SLC25A48: variants seen among roughly 807,000 people sequenced by gnomAD.
The protein encoded by SLC25A48 is CTC-321K16.1.
A neutral mutation model predicts 32.2 loss-of-function variants in SLC25A48; 29 were observed. That is an observed-to-expected ratio of 0.90 (90% CI 0.67 to 1.23). SLC25A48 has a LOEUF of 1.23. Ranked by LOEUF, SLC25A48 falls within the 50% of genes most tolerant of loss-of-function variation. The pLI is 0.00. For missense variants in SLC25A48, 399 were observed against 422.7 expected, an observed-to-expected ratio of 0.94 and a Z score of 0.49; for synonymous variants, 164 against 172.3, an observed-to-expected ratio of 0.95 and a Z score of 0.38.
intron 3 of SLC25A48, among the ~76,000 whole-genome samples, chr5:135,670,247 C>T (rs1412163139): frequency 6.6e-6 from 1 of 152,136 alleles, no homozygotes; most frequent in African/African-American, 2.4e-5. Context: ...AGCAGGCCAG[C>T]CTTTCTGGTT....
chr5:135,874,691 T>C (rs1761916156), intron 6 of SLC25A48: 1 of 702,448 alleles, frequency 1.4e-6, no homozygotes, highest in Non-Finnish European at 2.6e-6. Flanking sequence ...TTCCCTGGGC[T>C]GTGTCTCCTC....
At chr5:135,763,322 A>G (rs1299358359) in intron 3 of SLC25A48, among the ~76,000 whole-genome samples, 1 of 152,026 alleles carries the variant, frequency 6.6e-6, no homozygotes, top group African/African-American at 2.4e-5. Flanking sequence ...GGCATCTGTT[A>G]GGTTTTGAGC....
chr5:135,609,004 T>C (rs768065155), intron 1 of SLC25A48, among the ~76,000 whole-genome samples: 2 of 152,238 alleles, frequency 1.3e-5, no homozygotes, highest in Non-Finnish European at 2.9e-5. Flanking sequence ...GCTGGCACTT[T>C]GGACGCTGAG....
At chr5:135,626,106 A>C (rs951397313) in intron 1 of SLC25A48, among the ~76,000 whole-genome samples, 5 of 152,252 alleles carry the variant, frequency 3.3e-5, no homozygotes, top group Admixed American at 2.6e-4. Flanking sequence ...AGGGTAGGCC[A>C]ACTCAGCATG....
intron 3 of SLC25A48, among the ~76,000 whole-genome samples, chr5:135,643,976 C>T (rs1254351805): frequency 1.3e-5 from 2 of 152,016 alleles, no homozygotes; most frequent in African/African-American, 2.4e-5. Flanking sequence ...ACTCCAGAGC[C>T]CACACTCTTT....
intron 3 of SLC25A48, among the ~76,000 whole-genome samples, chr5:135,725,685 T>C (rs1755072271): frequency 6.6e-6 from 1 of 152,170 alleles, no homozygotes; most frequent in Admixed American, 6.5e-5. Flanking sequence ...AGGTGTTAGC[T>C]GTAGCTCTAG....
chr5:135,601,848 C>G (rs921792735), intron 1 of SLC25A48, among the ~76,000 whole-genome samples: 3 of 152,198 alleles, frequency 2.0e-5, no homozygotes, highest in Non-Finnish European at 4.4e-5. Flanking sequence ...TTGAATCCAG[C>G]AGTGTGCTCC....
At chr5:135,848,091 C>T (rs753346548) in intron 2 of SLC25A48, among the ~76,000 whole-genome samples, 4 of 152,196 alleles carry the variant, frequency 2.6e-5, no homozygotes, top group Non-Finnish European at 2.9e-5. Flanking sequence ...GGCTTTGCTG[C>T]TGGCCTCAGT....
intron 2 of SLC25A48, among the ~76,000 whole-genome samples, chr5:135,632,474 T>C (rs1237047424): frequency 1.3e-5 from 2 of 152,012 alleles, no homozygotes; most frequent in African/African-American, 4.8e-5. Context: ...TGCTCAGGGA[T>C]TGATTATGAA....
At chr5:135,823,361 C>G (rs997310833) in intron 4 of SLC25A48, among the ~76,000 whole-genome samples, 2 of 152,130 alleles carry the variant, frequency 1.3e-5, no homozygotes, top group African/African-American at 2.4e-5. Context: ...GGCCACGTGT[C>G]CCCTCTGGGC....
chr5:135,789,621 T>C (rs12655589), intron 3 of SLC25A48, among the ~76,000 whole-genome samples: 95,557 of 150,920 alleles, frequency 0.63, 33,085 homozygotes, highest in Non-Finnish European at 0.77. Flanking sequence ...TTATTCCCCA[T>C]GTGGCGGGGG....
intron 3 of SLC25A48, among the ~76,000 whole-genome samples, chr5:135,663,215 A>G (rs1360833217): frequency 2.0e-5 from 3 of 152,306 alleles, no homozygotes; most frequent in South Asian, 2.1e-4. Flanking sequence ...CCCTACATGT[A>G]TCTTACATTC....
intron 4 of SLC25A48, among the ~76,000 whole-genome samples, chr5:135,817,350 G>A (rs1000188400): frequency 3.3e-5 from 5 of 152,234 alleles, no homozygotes; most frequent in Non-Finnish European, 4.4e-5. Flanking sequence ...AGTGAGTAGA[G>A]ATCAATGGAA....
chr5:135,639,740 C>T (rs1246459150), intron 3 of SLC25A48, among the ~76,000 whole-genome samples: 2 of 152,106 alleles, frequency 1.3e-5, no homozygotes, highest in Non-Finnish European at 2.9e-5. Flanking sequence ...AAACAAAACC[C>T]AAACTAGATC....
chr5:135,639,347 AC>A (rs1344724530), intron 3 of SLC25A48, among the ~76,000 whole-genome samples: 1 of 152,220 alleles, frequency 6.6e-6, no homozygotes, highest in East Asian at 1.9e-4. Context: ...TATTCCACAA[AC>A]ACCCATCACC....
At chr5:135,632,416 G>T (rs1752597255) in intron 2 of SLC25A48, among the ~76,000 whole-genome samples, 1 of 152,284 alleles carries the variant, frequency 6.6e-6, no homozygotes, top group Middle Eastern at 3.4e-3. Flanking sequence ...TAGATGGAAT[G>T]CCAAAGAGAG....
At chr5:135,836,222 C>T (rs1305589307) in intron 1 of SLC25A48, among the ~76,000 whole-genome samples, 3 of 152,162 alleles carry the variant, frequency 2.0e-5, no homozygotes, top group African/African-American at 4.8e-5. Context: ...CATCCCCAAA[C>T]GTGATAACAT....
chr5:135,602,899 G>C (rs1751834028), intron 1 of SLC25A48, among the ~76,000 whole-genome samples: 1 of 152,140 alleles, frequency 6.6e-6, no homozygotes, highest in Non-Finnish European at 1.5e-5. Flanking sequence ...TCACCAGATG[G>C]ATATATGTCT....
Position 135,775,185 on chromosome 5 carries a change from C to T in SLC25A48, c.-520-37338C>T, listed in dbSNP as rs533542858. 1.6e-4 allele frequency among the ~76,000 whole-genome samples: 24 copies of T among 151,710 alleles called. 1 individual carries two copies. The East Asian group carries it at 4.5e-3, about 28-fold the overall frequency. ...GAGGATGATATTACTCCCAATATCA[C>T]AAGGAATGTACAACCCTCTTGTGAT... On this transcript the variant is annotated intron_variant, in intron 3 of 10. Coordinates refer to the SLC25A48 transcript ENST00000646290.
Sources: gnomAD v4.1 joint callset for allele counts (sites outside exome capture counted in the v4.1 genomes callset) on GRCh38, gnomAD v4.1.1 for gene constraint, MANE v1.5 for transcripts, NCBI Gene and HGNC (gene_info 2026-07-23, HGNC 2026-07-21) for gene names.